Variants in PSD3 observed in about 807,000 individuals in gnomAD.
PSD3 encodes PH and SEC7 domain-containing protein 3.
A neutral mutation model predicts 105.5 loss-of-function variants in PSD3; 49 were observed. The observed-to-expected ratio is 0.46, with a 90% confidence interval of 0.37 to 0.59. PSD3 has a LOEUF of 0.59. PSD3 is among the 20% of genes least tolerant of loss of function. The pLI is 0.00. For synonymous variants in PSD3, 557 were observed against 457.8 expected, an observed-to-expected ratio of 1.22 and a Z score of -2.77; for missense variants, 1,561 against 1,263.8, an observed-to-expected ratio of 1.24 and a Z score of -3.57.
chr8:18,927,336 C>G (rs1341797627), intron 2 of PSD3, among the ~76,000 whole-genome samples: 4 of 152,156 alleles, frequency 2.6e-5, no homozygotes, highest in Non-Finnish European at 5.9e-5. Flanking sequence ...GCCTCAGCCT[C>G]CCGAGTAGCT....
intron 9 of PSD3, among the ~76,000 whole-genome samples, chr8:18,663,242 C>T (rs1057243117): frequency 3.9e-5 from 6 of 152,044 alleles, no homozygotes; most frequent in African/African-American, 9.7e-5. Context: ...GCCTAGCCAA[C>T]GTGGCGAAAC....
intron 2 of PSD3, among the ~76,000 whole-genome samples, chr8:18,883,618 A>C (rs1818262896): frequency 6.6e-6 from 1 of 152,218 alleles, no homozygotes; most frequent in East Asian, 1.9e-4. Flanking sequence ...TTTGGAGCTT[A>C]AAGAAATGGG....
rs1828901018 is a variant in PSD3 at position 19,061,688 on chromosome 8, C to T, written c.324+22518G>A. Reference sequence around the variant, plus strand: ...GGTGTGGTGGGGTGTGCCTGTAATCCCAGCTACTCAGAAGTCTGAGGCAGG... The same window carrying T: ...GGTGTGGTGGGGTGTGCCTGTAATCTCAGCTACTCAGAAGTCTGAGGCAGG... On this transcript the variant is annotated intron_variant, in intron 1 of 1. Coordinates refer to the PSD3 transcript ENST00000521475. 2.0e-5 allele frequency among the ~76,000 whole-genome samples: 3 copies of T among 151,834 alleles called. No homozygotes were observed. In the South Asian group the frequency reaches 6.3e-4, roughly 32 times the overall value.
intron 9 of PSD3, among the ~76,000 whole-genome samples, chr8:18,681,169 G>A (rs1334879875): frequency 6.6e-6 from 1 of 152,048 alleles, no homozygotes; most frequent in Admixed American, 6.6e-5. Context: ...ACGAGTTAAT[G>A]GTATCTTATT....
intron 1 of PSD3, among the ~76,000 whole-genome samples, chr8:19,072,322 C>A (rs763667500): frequency 6.7e-6 from 1 of 149,910 alleles, no homozygotes; most frequent in South Asian, 2.1e-4. Flanking sequence ...CCTGAGCTCA[C>A]GTGATCCGCC....
intron 1 of PSD3, among the ~76,000 whole-genome samples, chr8:18,968,089 C>T (rs934104958): frequency 2.0e-5 from 3 of 152,170 alleles, no homozygotes; most frequent in African/African-American, 7.2e-5. Flanking sequence ...GATTTATAAA[C>T]AGAAATTTAT....
At chr8:18,903,493 C>T (rs1819646057) in intron 2 of PSD3, among the ~76,000 whole-genome samples, 1 of 152,048 alleles carries the variant, frequency 6.6e-6, no homozygotes, top group African/African-American at 2.4e-5. Context: ...CAGATGTGTC[C>T]CAACAGCTCA....
chr8:18,959,690 A>G (rs977837065), intron 1 of PSD3, among the ~76,000 whole-genome samples: 1 of 152,166 alleles, frequency 6.6e-6, no homozygotes, highest in Non-Finnish European at 1.5e-5. Context: ...ACTAGGGAAA[A>G]TGGCTAAAGA....
intron 14 of PSD3, among the ~76,000 whole-genome samples, chr8:18,559,058 T>G (rs1018738494): frequency 2.6e-5 from 4 of 152,178 alleles, no homozygotes; most frequent in African/African-American, 9.7e-5. Flanking sequence ...TGTGGGATTT[T>G]TTTTCCCTGT....
At chr8:18,887,002 A>G (rs1369248097) in intron 2 of PSD3, 1 of 152,248 alleles carries the variant, frequency 6.6e-6, no homozygotes, top group Non-Finnish European at 1.5e-5. Context: ...AATTGAGATG[A>G]CGGGAGTTAG....
intron 11 of PSD3, among the ~76,000 whole-genome samples, chr8:18,616,438 C>G (rs935293356): frequency 1.3e-4 from 20 of 152,130 alleles, no homozygotes; most frequent in African/African-American, 4.3e-4. Context: ...CAGGCATTCT[C>G]CGAGGCCTTC....
rs74465821 is a variant in PSD3 at position 18,863,629 on chromosome 8, T to C, written c.1634+4045A>G. ...AAAGTAATGACAAAAAACTTAATTA[T>C]GTTTGTGACAATCTAATAGTCCATC... On this transcript the variant is annotated intron_variant, in intron 4 of 15. Transcript: ENST00000327040. Among the ~76,000 whole-genome samples the C allele has an allele frequency of 3.4e-3, 523 of 152,308 alleles. 6 individuals are homozygous for C. The highest frequency in any genetic ancestry group is 0.011 in the African/African-American group (475 of 41,570).
intron 2 of PSD3, among the ~76,000 whole-genome samples, chr8:18,933,102 G>A (rs1371395205): frequency 6.6e-6 from 1 of 152,230 alleles, no homozygotes; most frequent in Non-Finnish European, 1.5e-5. Context: ...CTCATTAAAT[G>A]TATTTGTTCA....
intron 1 of PSD3, among the ~76,000 whole-genome samples, chr8:19,019,860 A>G (rs760959945): frequency 6.6e-5 from 10 of 152,074 alleles, no homozygotes; most frequent in Non-Finnish European, 1.3e-4. Flanking sequence ...AAGAGCAGAA[A>G]TGTGGTTCAT....
At chr8:18,928,366 G>C (rs968383298) in intron 2 of PSD3, among the ~76,000 whole-genome samples, 2 of 152,172 alleles carry the variant, frequency 1.3e-5, no homozygotes, top group Non-Finnish European at 2.9e-5. Flanking sequence ...CTCCAGCCAT[G>C]TGGAACTGTG....
chr8:18,614,381 G>C (rs1163815831), intron 11 of PSD3, among the ~76,000 whole-genome samples: 1 of 133,266 alleles, frequency 7.5e-6, no homozygotes, highest in Non-Finnish European at 1.5e-5. Flanking sequence ...CTAGCATGTA[G>C]ATGGCATCAT....
At chr8:18,875,405 T>C (rs2129458075) in intron 2 of PSD3, among the ~76,000 whole-genome samples, 1 of 152,100 alleles carries the variant, frequency 6.6e-6, no homozygotes, top group South Asian at 2.1e-4. Flanking sequence ...GCCTTCTTCC[T>C]AGGGTGGAAT....
intron 9 of PSD3, among the ~76,000 whole-genome samples, chr8:18,676,727 A>G (rs1179148853): frequency 1.3e-5 from 2 of 152,198 alleles, no homozygotes; most frequent in Non-Finnish European, 2.9e-5. Context: ...CCAAGCCTGT[A>G]TACTTTAGCC....
At chr8:18,628,610 A>G (rs1806665886) in intron 11 of PSD3, among the ~76,000 whole-genome samples, 1 of 151,988 alleles carries the variant, frequency 6.6e-6, no homozygotes, top group South Asian at 2.1e-4. Flanking sequence ...CTTAAAGCAA[A>G]AATATTAACA....
Sources: gnomAD v4.1 joint callset for allele counts (sites outside exome capture counted in the v4.1 genomes callset) on GRCh38, gnomAD v4.1.1 for gene constraint, MANE v1.5 for transcripts, NCBI Gene and HGNC (gene_info 2026-07-23, HGNC 2026-07-21) for gene names.